Variants in ZFPM1 observed in about 807,000 individuals in gnomAD.
ZFPM1 encodes the protein zinc finger protein ZFPM1.
ZFPM1 carries 28 observed loss-of-function variants against 46.3 expected under a neutral mutation model. The ratio of observed to expected loss-of-function variants is 0.60; its 90% CI spans 0.45 to 0.83. ZFPM1 has a LOEUF of 0.83. Among genes scored for constraint, ZFPM1 ranks in the 40% least tolerant of loss-of-function variants. The pLI, the probability that ZFPM1 is intolerant of heterozygous loss-of-function variation, is 0.00. For synonymous variants in ZFPM1, 957 were observed against 675.9 expected, an observed-to-expected ratio of 1.42 and a Z score of -6.45; for missense variants, 1,878 against 1,432.4, an observed-to-expected ratio of 1.31 and a Z score of -5.02.
At chr16:88,462,635 G>A (rs1042827241) in intron 1 of ZFPM1, among the ~76,000 whole-genome samples, 2 of 152,332 alleles carry the variant, frequency 1.3e-5, no homozygotes, top group African/African-American at 2.4e-5. Flanking sequence ...GGGTTGTTCC[G>A]GGAGCTTCCC....
chr16:88,458,186 G>A (rs987568368), intron 1 of ZFPM1, among the ~76,000 whole-genome samples: 1 of 152,216 alleles, frequency 6.6e-6, no homozygotes, highest in African/African-American at 2.4e-5. Context: ...CGTGAGCACC[G>A]CGCTGCCTTC....
At chr16:88,481,443 C>T (rs979456948) in intron 1 of ZFPM1, among the ~76,000 whole-genome samples, 4 of 151,328 alleles carry the variant, frequency 2.6e-5, no homozygotes, top group African/African-American at 4.9e-5. Flanking sequence ...GCTGCCTCCT[C>T]GCCGGGGGCC....
rs539969188 is a variant in ZFPM1 at position 88,494,937 on chromosome 16, A to G, written c.268+5784A>G. Among the ~76,000 whole-genome samples the G allele has an allele frequency of 2.5e-4, 38 of 152,280 alleles. 1 individual carries two copies. Among genetic ancestry groups the G allele is most frequent in the African/African-American group, 8.7e-4 (36 of 41,566 alleles). On this transcript the variant is annotated intron_variant, in intron 3 of 9. Transcript: ENST00000319555. ...GCAGGAGGCGGAGAGCTCCTATTTT[A>G]TCTTTGAAATGACCTTGTTTGCCGG...
Position 88,533,833 on chromosome 16 carries a change from C to G in ZFPM1, c.1875C>G (p.Pro625=), listed in dbSNP as rs780485801. The G allele has an allele frequency of 0.077, 76,114 of 991,306 alleles. 3,120 individuals are homozygous for G. The highest frequency in any genetic ancestry group is 0.12 in the South Asian group (2,618 of 21,876). The allele number at this position is 991,306 out of a possible 1,614,324, so 61.4% of individuals were successfully genotyped here. A position where few individuals can be genotyped will look rare whatever the true frequency, so the allele number is the denominator to read the frequency against. Residue 625 remains proline (P), a synonymous_variant, in exon 10 of 10, where the codon CCC becomes CCG. Coordinates refer to ENST00000319555, the MANE Select transcript of ZFPM1 (RefSeq NM_153813.3). ...PKAPPGPARA[P]PGQPAEPDAP... is the part of the protein sequence containing the mutation. ...CGCCCCCCGGCCCGGCCCGCGCGCC[C>G]CCCGGCCAGCCCGCCGAACCCGACG...
Position 88,476,737 on chromosome 16 carries a change from C to T in ZFPM1, c.41-9202C>T, listed in dbSNP as rs376684210. ...CACACAGCAAGTGTGTTGTGGAATCCAGGCTGTTGGCACCGAGGGAGGGAC... is the reference window on the plus strand; with the variant it reads ...CACACAGCAAGTGTGTTGTGGAATCTAGGCTGTTGGCACCGAGGGAGGGAC... On this transcript the variant is annotated intron_variant, in intron 1 of 9. Coordinates refer to ENST00000319555, the MANE Select transcript of ZFPM1 (RefSeq NM_153813.3). Among the ~76,000 whole-genome samples the T allele has an allele frequency of 5.9e-5, 9 of 152,302 alleles. No homozygotes were observed. In the East Asian group the frequency reaches 9.6e-4, roughly 16 times the overall value.
intron 1 of ZFPM1, among the ~76,000 whole-genome samples, chr16:88,478,601 C>A (rs1879288692): frequency 6.6e-6 from 1 of 152,272 alleles, no homozygotes; most frequent in Non-Finnish European, 1.5e-5. Flanking sequence ...CCCTCCCAGT[C>A]CAGCCGGTGA....
chr16:88,456,106 G>T (rs1201352873), intron 1 of ZFPM1, among the ~76,000 whole-genome samples: 4 of 152,286 alleles, frequency 2.6e-5, no homozygotes, highest in Admixed American at 1.3e-4. Context: ...GCGTCCCTGC[G>T]CTGGTCTGTC....
chr16:88,523,954 G>A (rs558807855), intron 4 of ZFPM1, among the ~76,000 whole-genome samples: 34 of 152,308 alleles, frequency 2.2e-4, no homozygotes, highest in African/African-American at 7.9e-4. Context: ...ACTCGGGACC[G>A]CCACAGAAAA....
intron 1 of ZFPM1, among the ~76,000 whole-genome samples, chr16:88,485,056 G>C (rs982832375): frequency 6.6e-6 from 1 of 152,218 alleles, no homozygotes; most frequent in African/African-American, 2.4e-5. Context: ...CTGGGTGAGG[G>C]TGTCACCCCA....
rs12932681 is a variant in ZFPM1, at chr16:88,501,640, T to C, written c.268+12487T>C. 6.5e-3 allele frequency among the ~76,000 whole-genome samples: 377 copies of C among 57,606 alleles called. 39 individuals are homozygous for C. Among genetic ancestry groups the C allele is most frequent in the East Asian group, 0.025 (29 of 1,162 alleles). 37.8% of individuals were successfully genotyped at this position (57,606 alleles called of 152,430 possible). A position where few individuals can be genotyped will look rare whatever the true frequency, so the allele number is the denominator to read the frequency against. On this transcript the variant is annotated intron_variant, in intron 3 of 9. Transcript: ENST00000319555. ...GATGGAGATAGTGGGCCTGGGTGCG[T>C]GGGCCATCGCGCAGGTGCTGGTGAT...
Position 88,534,348 on chromosome 16 carries a change from T to C in ZFPM1, c.2390T>C (p.Leu797Pro). The C allele has an allele frequency of 7.1e-7, 1 of 1,399,328 alleles. No homozygotes were observed. Among genetic ancestry groups the C allele is most frequent in the Non-Finnish European group, 9.3e-7 (1 of 1,078,982 alleles). The allele number at this position is 1,399,328 out of a possible 1,614,324, so 86.7% of individuals were successfully genotyped here. The change falls in exon 10 of 10, where the codon CTG becomes CCG. Residue 797 changes from leucine to proline, a missense_variant. Transcript: ENST00000319555. ...PGPAADGPIDLSKKPRRPLPG... is the reference protein window; with the variant it reads ...PGPAADGPIDPSKKPRRPLPG... Reference sequence around the variant, plus strand: ...CCCGCGGCCGACGGCCCCATCGACCTGAGCAAGAAGCCGCGGCGCCCGCTC... The same window carrying C: ...CCCGCGGCCGACGGCCCCATCGACCCGAGCAAGAAGCCGCGGCGCCCGCTC...
intron 4 of ZFPM1, among the ~76,000 whole-genome samples, chr16:88,523,538 G>C (rs973418054): frequency 6.6e-6 from 1 of 152,070 alleles, no homozygotes; most frequent in East Asian, 1.9e-4. Flanking sequence ...AGGGCTGGCC[G>C]TGTCCATGCC....
In ZFPM1 at chr16:88,534,372, T is replaced by G. The variant is rs768124081; in HGVS notation, c.2414T>G (p.Leu805Arg). The G allele has an allele frequency of 1.4e-6, 2 of 1,437,670 alleles. No individual in the cohort carries two copies. The highest frequency in any genetic ancestry group is 3.0e-5 in the East Asian group (1 of 32,810). 89.1% of individuals were successfully genotyped at this position (1,437,670 alleles called of 1,614,324 possible). Residue 805 changes from leucine (L) to arginine (R), a missense_variant, in exon 10 of 10, where the codon CTC (leucine) becomes CGC (arginine). Transcript: ENST00000319555. ...CTGAGCAAGAAGCCGCGGCGCCCGCTCCCCGGAGCCCCGGCACCGGCGCTG... is the reference window on the plus strand; with the variant it reads ...CTGAGCAAGAAGCCGCGGCGCCCGCGCCCCGGAGCCCCGGCACCGGCGCTG... ...IDLSKKPRRP[L>R]PGAPAPALAD...
chr16:88,518,884 G>C (rs886852179), intron 4 of ZFPM1, among the ~76,000 whole-genome samples: 1 of 147,158 alleles, frequency 6.8e-6, no homozygotes, highest in Non-Finnish European at 1.5e-5. Flanking sequence ...AGATGGATGA[G>C]TGGAGGGATG....
intron 1 of ZFPM1, among the ~76,000 whole-genome samples, chr16:88,474,763 G>C (rs577615069): frequency 6.6e-6 from 1 of 152,230 alleles, no homozygotes; most frequent in African/African-American, 2.4e-5. Flanking sequence ...CACATAGGAT[G>C]TTCATTTGCT....
intron 6 of ZFPM1, among the ~76,000 whole-genome samples, chr16:88,531,501 C>T (rs1912781445): frequency 6.6e-6 from 1 of 152,186 alleles, no homozygotes; most frequent in South Asian, 2.1e-4. Context: ...ATGCCCACAT[C>T]CCTAGAACTG....
chr16:88,534,122 GGA>G lies in ZFPM1; in HGVS notation c.2165_2166del (p.Gly722AlafsTer354), dbSNP rs1555529433. 4 of 1,100,446 alleles carry G rather than the reference GGA, an allele frequency of 3.6e-6. No homozygotes were observed. Among genetic ancestry groups the G allele is most frequent in the Non-Finnish European group, 4.5e-6 (4 of 887,224 alleles). 68.2% of individuals were successfully genotyped at this position (1,100,446 alleles called of 1,614,324 possible). ...PPPRRPAAPP[G>X]PPGPAAPPAP... ...GCCGCGCCGACCGGCCGCGCCCCCG[GGA>G]CCCCCTGGGCCGGCCGCGCCCCCGG... On this transcript the variant is annotated frameshift_variant, in exon 10 of 10. Transcript: ENST00000319555. LOFTEE classifies it low-confidence loss of function (END_TRUNC).
rs76421210 is a variant in ZFPM1 at position 88,521,173 on chromosome 16, C to T, written c.403-5641C>T. On this transcript the variant is annotated intron_variant, in intron 4 of 9. Transcript: ENST00000319555. ...GGCCTGAGGCCAACCTCAGTGTTCC[C>T]TCCCCCATGCCGTTCCCTCCTCTGT... Among the ~76,000 whole-genome samples, 1,262 of 151,748 alleles carry T rather than the reference C, an allele frequency of 8.3e-3. 13 individuals carry two copies. The highest frequency in any genetic ancestry group is 0.029 in the African/African-American group (1,210 of 41,408).
chr16:88,497,618 A>G lies in ZFPM1; in HGVS notation c.268+8465A>G, dbSNP rs533167819. Among the ~76,000 whole-genome samples the G allele has an allele frequency of 0.01, 1,550 of 151,582 alleles. 28 individuals are homozygous for G. The highest frequency in any genetic ancestry group is 0.036 in the African/African-American group (1,483 of 41,190). ...CGGTTTTCTTGGCTGTAAAATGGGT[A>G]CCCTGAAGGGTTTTGTGGGGGGTGT... On this transcript the variant is annotated intron_variant, in intron 3 of 9. Transcript: ENST00000319555. The surrounding 1 kb of genome is among the most constrained non-coding windows in gnomAD (Gnocchi z 5.4).
Sources: allele counts gnomAD v4.1 joint callset (sites outside exome capture counted in the v4.1 genomes callset), GRCh38; gene constraint gnomAD v4.1.1; non-coding constraint Gnocchi (gnomAD v3.1); transcripts MANE v1.5; gene names NCBI Gene and HGNC (gene_info 2026-07-23, HGNC 2026-07-21).